Variants in MGAT4C observed in about 807,000 individuals in gnomAD.
MGAT4C encodes alpha-1,3-mannosyl-glycoprotein 4-beta-N-acetylglucosaminyltransferase C.
MGAT4C carries 19 observed loss-of-function variants against 40.1 expected under a neutral mutation model. The ratio of observed to expected loss-of-function variants is 0.47; its 90% CI spans 0.33 to 0.70. MGAT4C has a LOEUF of 0.70. MGAT4C is among the 30% of genes least tolerant of loss of function. MGAT4C has a pLI of 0.02. For synonymous variants in MGAT4C, 181 were observed against 187.1 expected (o/e 0.97, Z 0.27); for missense variants, 491 against 563.2 (o/e 0.87, Z 1.30).
chr12:86,410,631 G>C (rs1956585511), intron 3 of MGAT4C, among the ~76,000 whole-genome samples: 1 of 152,050 alleles, frequency 6.6e-6, no homozygotes, highest in East Asian at 1.9e-4. Flanking sequence ...TGGTCCTGAG[G>C]TGACGTACAT....
rs112083754 is a variant in MGAT4C, at chr12:86,014,982, T to G, written c.-6-25430A>C. 3.5e-3 allele frequency among the ~76,000 whole-genome samples: 516 copies of G among 148,972 alleles called. 4 individuals carry two copies. Among genetic ancestry groups the G allele is most frequent in the African/African-American group, 0.012 (494 of 40,744 alleles). ...TATTTTTCATTTTCTTTCTTTCTTT[T>G]TTTTTTTTTTTGGAGAGGTGGGGTT... is the stretch of plus-strand genomic sequence containing the variant. On this transcript the variant is annotated intron_variant, in intron 2 of 4. Transcript: ENST00000611864.
At chr12:86,188,497 T>A (rs550368206) in intron 1 of MGAT4C, among the ~76,000 whole-genome samples, 16 of 151,984 alleles carry the variant, frequency 1.1e-4, no homozygotes, top group African/African-American at 3.4e-4. Flanking sequence ...TTAGGCACTA[T>A]TCCCACTCTA....
intron 4 of MGAT4C, among the ~76,000 whole-genome samples, chr12:86,276,695 C>T (rs1417754064): frequency 6.6e-6 from 1 of 152,120 alleles, no homozygotes; most frequent in Non-Finnish European, 1.5e-5. Context: ...GTTTGTCTTT[C>T]TGTTTCTGGC....
chr12:86,641,089 A>G (rs1026276515), intron 2 of MGAT4C, among the ~76,000 whole-genome samples: 1 of 151,714 alleles, frequency 6.6e-6, no homozygotes, highest in African/African-American at 2.4e-5. Context: ...TTGCGGCACT[A>G]TTCACAATAG....
chr12:86,495,858 A>T (rs1958226268), intron 2 of MGAT4C, among the ~76,000 whole-genome samples: 1 of 151,956 alleles, frequency 6.6e-6, no homozygotes, highest in South Asian at 2.1e-4. Flanking sequence ...AGACAATAAG[A>T]CGCCAGACCC....
At chr12:86,450,323 G>C (rs1017122286) in intron 2 of MGAT4C, among the ~76,000 whole-genome samples, 3 of 152,074 alleles carry the variant, frequency 2.0e-5, no homozygotes, top group Non-Finnish European at 4.4e-5. Context: ...TGTTAGTGAA[G>C]TGCTTAGTTT....
At chr12:86,381,684 T>A (rs1955932103) in intron 3 of MGAT4C, among the ~76,000 whole-genome samples, 1 of 152,160 alleles carries the variant, frequency 6.6e-6, no homozygotes, top group African/African-American at 2.4e-5. Context: ...ACACATAAAA[T>A]TGTTCATAAA....
chr12:86,763,433 T>C (rs1420611541), intron 1 of MGAT4C, among the ~76,000 whole-genome samples: 1 of 152,232 alleles, frequency 6.6e-6, no homozygotes, highest in Non-Finnish European at 1.5e-5. Context: ...GCTCATTTGA[T>C]ATCATATTAA....
At chr12:86,741,194 G>A (rs11104063) in intron 1 of MGAT4C, among the ~76,000 whole-genome samples, 5,708 of 151,158 alleles carry the variant, frequency 0.038, 148 homozygotes, top group Non-Finnish European at 0.048. Context: ...ACATGCACTC[G>A]TATGTTCATC....
intron 2 of MGAT4C, among the ~76,000 whole-genome samples, chr12:86,720,543 T>C (rs537677254): frequency 4.3e-4 from 66 of 152,260 alleles, no homozygotes; most frequent in African/African-American, 1.6e-3. Context: ...TGTTCATGAT[T>C]CAAGTTTTTC....
chr12:86,424,046 G>C (rs1956879712), intron 3 of MGAT4C, among the ~76,000 whole-genome samples: 1 of 152,188 alleles, frequency 6.6e-6, no homozygotes, highest in Non-Finnish European at 1.5e-5. Flanking sequence ...CTGGTTATTT[G>C]TGTAAGGATG....
rs1883165716 is a variant in MGAT4C at position 85,962,495 on chromosome 12, C to T, written c.*16794G>A. On this transcript the variant is annotated 3_prime_UTR_variant, in exon 5 of 5. Coordinates refer to ENST00000611864, the MANE Select transcript of MGAT4C (RefSeq NM_001351288.2). ...TGAACATTGTTTACTTTTTTATCCT[C>T]ACAACAATTCAACATGATATGTATG... The T allele has an allele frequency of 6.7e-6, 1 of 148,596 alleles. No homozygotes were observed. Among genetic ancestry groups the T allele is most frequent in the Non-Finnish European group, 1.5e-5 (1 of 67,024 alleles). 9.2% of individuals were successfully genotyped at this position (148,596 alleles called of 1,614,324 possible).
chr12:86,512,025 T>TA (rs1353950452), intron 2 of MGAT4C, among the ~76,000 whole-genome samples: 1 of 151,640 alleles, frequency 6.6e-6, no homozygotes. Context: ...CAAAATATAT[T>TA]AAAAAACCTA....
At chr12:86,288,653 T>A (rs887368928) in intron 4 of MGAT4C, among the ~76,000 whole-genome samples, 102 of 152,146 alleles carry the variant, frequency 6.7e-4, no homozygotes, top group African/African-American at 2.2e-3. Context: ...CATTTCCATT[T>A]CTTTAATGAT....
chr12:86,240,203 C>T (rs1951727565), intron 1 of MGAT4C, among the ~76,000 whole-genome samples: 1 of 149,982 alleles, frequency 6.7e-6, no homozygotes, highest in African/African-American at 2.5e-5. Flanking sequence ...TGATATATAT[C>T]ATATATATAT....
intron 2 of MGAT4C, among the ~76,000 whole-genome samples, chr12:86,478,897 T>C (rs1002081491): frequency 4.6e-5 from 7 of 152,086 alleles, no homozygotes; most frequent in African/African-American, 1.7e-4. Flanking sequence ...TTATTTAATA[T>C]CTATTTTTAA....
intron 2 of MGAT4C, among the ~76,000 whole-genome samples, chr12:86,513,380 A>G (rs1180434290): frequency 3.3e-5 from 5 of 152,184 alleles, no homozygotes; most frequent in African/African-American, 1.2e-4. Context: ...ACCTAAAATG[A>G]TTTCTTCATG....
At chr12:86,781,101 T>C (rs145996642) in intron 1 of MGAT4C, among the ~76,000 whole-genome samples, 2 of 152,214 alleles carry the variant, frequency 1.3e-5, no homozygotes, top group East Asian at 3.9e-4. Context: ...TGCCATATAA[T>C]AGTGCTGCAA....
At chr12:86,698,361 TTGTGTGTGTGTCTA>T (rs1012770341) in intron 2 of MGAT4C, among the ~76,000 whole-genome samples, 2 of 151,768 alleles carry the variant, frequency 1.3e-5, no homozygotes, top group Non-Finnish European at 2.9e-5. Flanking sequence ...GTATGTGTGT[TTGTGTGTGTGTCTA>T]TGTGTGTGTG....
Sources: gnomAD v4.1 joint callset for allele counts (sites outside exome capture counted in the v4.1 genomes callset) on GRCh38, gnomAD v4.1.1 for gene constraint, MANE v1.5 for transcripts, NCBI Gene and HGNC (gene_info 2026-07-23, HGNC 2026-07-21) for gene names.